The following BNC2 variants were observed in gnomAD, a reference collection of about 807,000 sequenced individuals.
The protein encoded by BNC2 is zinc finger protein basonuclin-2.
A neutral mutation model predicts 76.3 loss-of-function variants in BNC2; 20 were observed. That is an observed-to-expected ratio of 0.26 (90% CI 0.18 to 0.38). The LOEUF (loss-of-function observed/expected upper bound fraction) is 0.38, where lower values mean the gene tolerates loss of function less well. Ranked by LOEUF, BNC2 falls within the 10% of genes least tolerant of loss-of-function variation. The pLI is 1.00. For synonymous variants in BNC2, 582 were observed against 514.8 expected, an observed-to-expected ratio of 1.13 and a Z score of -1.77; for missense variants, 1,382 against 1,399.8, an observed-to-expected ratio of 0.99 and a Z score of 0.20.
At chr9:16,669,767 A>G (rs1273006003) in intron 3 of BNC2, among the ~76,000 whole-genome samples, 1 of 152,214 alleles carries the variant, frequency 6.6e-6, no homozygotes, top group Non-Finnish European at 1.5e-5. Context: ...TTAAACAGAA[A>G]CAACCAGAAA....
At chr9:16,726,281 T>TC (rs1297407586) in intron 3 of BNC2, among the ~76,000 whole-genome samples, 1 of 152,178 alleles carries the variant, frequency 6.6e-6, no homozygotes, top group Non-Finnish European at 1.5e-5. Flanking sequence ...TGCATTTAAA[T>TC]CCCAGCTTAC....
Position 16,808,479 on chromosome 9 carries a change from CTTT to C in BNC2, c.3+62164_3+62166del, listed in dbSNP as rs768028981. 1.3e-3 allele frequency among the ~76,000 whole-genome samples: 100 copies of C among 78,706 alleles called. 2 individuals carry two copies. The highest frequency in any genetic ancestry group is 4.2e-3 in the South Asian group (7 of 1,676). 51.6% of individuals were successfully genotyped at this position (78,706 alleles called of 152,430 possible). The stretch of plus-strand genomic sequence containing the variant: ...ATCCTAGTTGTGTGATCTTGGGCAA[CTTT>C]TTTTTTTTTTTTTTTTTTTTTTTTG... On this transcript the variant is annotated intron_variant, in intron 1 of 6. Coordinates refer to ENST00000380672, the MANE Select transcript of BNC2 (RefSeq NM_017637.6).
At chr9:16,543,492 G>T (rs1483475558) in intron 5 of BNC2, among the ~76,000 whole-genome samples, 3 of 152,144 alleles carry the variant, frequency 2.0e-5, no homozygotes, top group Admixed American at 2.0e-4. Context: ...AGTGAGCTGT[G>T]GACTCATTTC....
chr9:16,436,555 C>G lies in BNC2; in HGVS notation c.1639G>C (p.Asp547His). The stretch of plus-strand genomic sequence containing the variant: ...GGGAGAGGATTTTGCAAGACAGGGT[C>G]TAGAGGGGGAGTGGTAAAACCCATT... ...PPMGFTTPPL[D>H]PVLQNPLPSQ... Residue 547 changes from aspartate to histidine, a missense_variant, in exon 6 of 7, where the codon GAC becomes CAC. By Grantham distance (81) the Asp-to-His change is moderately conservative. Around this residue, in one of 3 missense-constraint regions of BNC2, gnomAD observed 798 missense variants for 775.5 expected, o/e 1.03. Coordinates refer to ENST00000380672, the MANE Select transcript of BNC2 (RefSeq NM_017637.6). The G allele has an allele frequency of 1.9e-6, 3 of 1,614,052 alleles. No homozygotes were observed. The highest frequency in any genetic ancestry group is 2.5e-6 in the Non-Finnish European group (3 of 1,180,014).
At chr9:16,609,954 C>T (rs1176257690) in intron 3 of BNC2, among the ~76,000 whole-genome samples, 1 of 152,140 alleles carries the variant, frequency 6.6e-6, no homozygotes, top group Non-Finnish European at 1.5e-5. Context: ...TTCTTCTCTG[C>T]CATCTTCTGT....
intron 3 of BNC2, among the ~76,000 whole-genome samples, chr9:16,618,982 A>C (rs1820787785): frequency 6.6e-6 from 1 of 152,244 alleles, no homozygotes; most frequent in Non-Finnish European, 1.5e-5. Flanking sequence ...CAAATTTACC[A>C]GCATTTCTAT....
At chr9:16,710,990 G>C (rs547575794) in intron 3 of BNC2, among the ~76,000 whole-genome samples, 1 of 152,122 alleles carries the variant, frequency 6.6e-6, no homozygotes, top group Non-Finnish European at 1.5e-5. Flanking sequence ...AACTGTTCGC[G>C]TGTCATGTGT....
At chr9:16,773,615 C>G (rs1825886459) in intron 1 of BNC2, among the ~76,000 whole-genome samples, 1 of 152,054 alleles carries the variant, frequency 6.6e-6, no homozygotes, top group African/African-American at 2.4e-5. Context: ...CATTGACAGC[C>G]GCTGAGATAA....
chr9:16,682,863 C>A (rs949014393), intron 3 of BNC2, among the ~76,000 whole-genome samples: 1 of 152,134 alleles, frequency 6.6e-6, no homozygotes, highest in African/African-American at 2.4e-5. Context: ...ACTGAACTAA[C>A]AAAGTAACTT....
intron 3 of BNC2, among the ~76,000 whole-genome samples, chr9:16,648,080 T>C (rs998308368): frequency 1.3e-5 from 2 of 152,148 alleles, no homozygotes; most frequent in Non-Finnish European, 2.9e-5. Flanking sequence ...AAAATATGTG[T>C]GTGTGTGTGT....
chr9:16,481,275 A>G (rs1206907418), intron 5 of BNC2, among the ~76,000 whole-genome samples: 1 of 152,114 alleles, frequency 6.6e-6, no homozygotes, highest in African/African-American at 2.4e-5. Context: ...GGGCCACATA[A>G]GAGAATAAAA....
At chr9:16,676,329 C>G (rs534861794) in intron 3 of BNC2, among the ~76,000 whole-genome samples, 68 of 152,190 alleles carry the variant, frequency 4.5e-4, no homozygotes, top group Non-Finnish European at 8.1e-4. Flanking sequence ...TATGTACATA[C>G]AAAATCCATG....
intron 1 of BNC2, among the ~76,000 whole-genome samples, chr9:16,789,486 A>G (rs2135638736): frequency 6.6e-6 from 1 of 152,104 alleles, no homozygotes; most frequent in East Asian, 1.9e-4. Context: ...ACAACACTCA[A>G]CTTTTTAAAA....
At chr9:16,547,165 G>A (rs1198274523) in intron 5 of BNC2, among the ~76,000 whole-genome samples, 1 of 152,224 alleles carries the variant, frequency 6.6e-6, no homozygotes, top group African/African-American at 2.4e-5. Flanking sequence ...ACATGAACTT[G>A]CTCCGCAAAG....
intron 3 of BNC2, among the ~76,000 whole-genome samples, chr9:16,690,572 T>C (rs1306260161): frequency 1.3e-5 from 2 of 152,202 alleles, no homozygotes; most frequent in Non-Finnish European, 2.9e-5. Context: ...ACTTATCCAT[T>C]TTCAAGGATG....
chr9:16,522,072 T>C (rs180712364), intron 5 of BNC2, among the ~76,000 whole-genome samples: 105 of 152,268 alleles, frequency 6.9e-4, no homozygotes, highest in African/African-American at 2.2e-3. Context: ...TTTTGGTGCA[T>C]TGCATGCAGA....
intron 5 of BNC2, among the ~76,000 whole-genome samples, chr9:16,530,805 C>T (rs937477114): frequency 5.3e-5 from 8 of 152,176 alleles, no homozygotes; most frequent in Non-Finnish European, 8.8e-5. Flanking sequence ...CTCTGACGCA[C>T]GGCCAGCCAG....
intron 3 of BNC2, among the ~76,000 whole-genome samples, chr9:16,698,129 T>C (rs1156254961): frequency 1.3e-5 from 2 of 152,260 alleles, no homozygotes; most frequent in East Asian, 3.9e-4. Flanking sequence ...TACAAAAACT[T>C]CAATAATTGC....
intron 5 of BNC2, among the ~76,000 whole-genome samples, chr9:16,469,041 C>G (rs148046867): frequency 0.01 from 1,548 of 152,262 alleles, 20 homozygotes; most frequent in African/African-American, 0.035. Context: ...ATGAGCTTTT[C>G]AGCTTATGTG....
Sources: gnomAD v4.1 joint callset for allele counts (sites outside exome capture counted in the v4.1 genomes callset) on GRCh38, gnomAD v4.1.1 for gene constraint, gnomAD v4.1.1 regional missense constraint, MANE v1.5 for transcripts, NCBI Gene and HGNC (gene_info 2026-07-23, HGNC 2026-07-21) for gene names.